Variants in ERICH3 observed in about 807,000 individuals in gnomAD.
ERICH3 encodes glutamate rich 3, also known as glutamate-rich protein 3.
A neutral mutation model predicts 131.1 loss-of-function variants in ERICH3; 126 were observed. The ratio of observed to expected loss-of-function variants is 0.96; its 90% CI spans 0.83 to 1.11. ERICH3 has a LOEUF of 1.11. Among genes scored for constraint, ERICH3 ranks in the 50% most tolerant of loss-of-function variants. The pLI is 0.00. For synonymous variants in ERICH3, 695 were observed against 644.6 expected, an observed-to-expected ratio of 1.08 and a Z score of -1.18; for missense variants, 2,050 against 1,810.7, an observed-to-expected ratio of 1.13 and a Z score of -2.40.
At chr1:74,619,037 C>T (rs1188651979) in intron 8 of ERICH3, among the ~76,000 whole-genome samples, 1 of 152,178 alleles carries the variant, frequency 6.6e-6, no homozygotes, top group East Asian at 1.9e-4. Context: ...TGAACAATTA[C>T]TTTCCTGGCA....
intron 1 of ERICH3, among the ~76,000 whole-genome samples, chr1:74,672,096 T>A (rs2100664684): frequency 6.6e-6 from 1 of 152,314 alleles, no homozygotes; most frequent in Non-Finnish European, 1.5e-5. Context: ...ATAGCTACAT[T>A]TTTCTCACAT....
chr1:74,617,985 AG>A (rs1649052518), intron 8 of ERICH3, among the ~76,000 whole-genome samples: 1 of 152,126 alleles, frequency 6.6e-6, no homozygotes, highest in Non-Finnish European at 1.5e-5. Flanking sequence ...GCTGGAGTCC[AG>A]GAGTTTGAGA....
At chr1:74,648,047 G>A (rs1646500512) in intron 2 of ERICH3, among the ~76,000 whole-genome samples, 1 of 152,092 alleles carries the variant, frequency 6.6e-6, no homozygotes, top group Admixed American at 6.6e-5. Flanking sequence ...CAGAGCTTCT[G>A]ATTCAGTTAG....
chr1:74,598,715 AT>A (rs1040576907), intron 11 of ERICH3, among the ~76,000 whole-genome samples: 2 of 151,816 alleles, frequency 1.3e-5, no homozygotes, highest in East Asian at 1.9e-4. Flanking sequence ...AGAAGCTAGT[AT>A]TTTTTTGTCC....
intron 1 of ERICH3, among the ~76,000 whole-genome samples, chr1:74,652,547 T>TTTTC (rs1491213147): frequency 2.0e-5 from 2 of 98,178 alleles, no homozygotes; most frequent in Non-Finnish European, 4.1e-5. Context: ...TTTTCTTTTC[T>TTTTC]TTTTTTTTTT....
At chr1:74,603,287 T>C (rs765308418) in intron 10 of ERICH3, among the ~76,000 whole-genome samples, 3 of 151,860 alleles carry the variant, frequency 2.0e-5, no homozygotes, top group Non-Finnish European at 4.4e-5. Flanking sequence ...TTGTATAGTG[T>C]TTGAAAGATT....
rs1233605814 is a variant in ERICH3 at position 74,568,647 on chromosome 1, T to G, written c.*1811A>C. ...TGTATCAATACAATCATAATAAAAA[T>G]AAGTTTAAGATTGACTCCACCACTT... On this transcript the variant is annotated 3_prime_UTR_variant, in exon 15 of 15. Coordinates refer to ENST00000326665, the MANE Select transcript of ERICH3 (RefSeq NM_001002912.5). 6.6e-6 allele frequency: 1 copy of G among 152,102 alleles called. No individual in the cohort carries two copies. Among genetic ancestry groups the G allele is most frequent in the Non-Finnish European group, 1.5e-5 (1 of 67,996 alleles). The allele number at this position is 152,102 out of a possible 1,614,324, so 9.4% of individuals were successfully genotyped here.
At chr1:74,597,373 C>A (rs183635245) in intron 11 of ERICH3, among the ~76,000 whole-genome samples, 1 of 151,904 alleles carries the variant, frequency 6.6e-6, no homozygotes, top group Non-Finnish European at 1.5e-5. Flanking sequence ...TTTCAAAACA[C>A]CAAGCATGCA....
At chr1:74,598,950 T>C (rs1425136182) in intron 11 of ERICH3, among the ~76,000 whole-genome samples, 1 of 151,952 alleles carries the variant, frequency 6.6e-6, no homozygotes, top group African/African-American at 2.4e-5. Context: ...CCATAAACTT[T>C]CATATTGCTA....
intron 10 of ERICH3, 151 bp downstream of exon 10, chr1:74,606,450 C>A: frequency 3.9e-6 from 3 of 766,152 alleles, no homozygotes; most frequent in South Asian, 1.9e-5. Flanking sequence ...GGACTCCATA[C>A]AAAACAGCAA....
chr1:74,652,502 T>C (rs1326686414), intron 1 of ERICH3, among the ~76,000 whole-genome samples: 1 of 152,112 alleles, frequency 6.6e-6, no homozygotes. Flanking sequence ...ATTCCACCCT[T>C]TTCCTCTGCG....
intron 8 of ERICH3, among the ~76,000 whole-genome samples, chr1:74,619,075 T>G (rs1163516136): frequency 6.6e-6 from 1 of 152,196 alleles, no homozygotes; most frequent in East Asian, 1.9e-4. Flanking sequence ...ACAAAATTAT[T>G]GCATCGACAG....
At chr1:74,646,034 G>T (rs1646479623) in intron 3 of ERICH3, among the ~76,000 whole-genome samples, 1 of 151,980 alleles carries the variant, frequency 6.6e-6, no homozygotes, top group African/African-American at 2.4e-5. Context: ...ATGGAGCAAG[G>T]CTGAAATAAT....
At position 74,606,693 on chromosome 1, in the gene ERICH3, T is replaced by C; in HGVS notation, c.1397A>G (p.Lys466Arg). 1.2e-6 allele frequency: 2 copies of C among 1,612,850 alleles called. No homozygotes were observed. The highest frequency in any genetic ancestry group is 1.1e-5 in the South Asian group (1 of 91,056). Residue 466 changes from lysine to arginine, a missense_variant, in exon 10 of 15, where the codon AAA becomes AGA. Physicochemically the swap from Lys to Arg is conservative, Grantham distance 26. Transcript: ENST00000326665. ...TTCCTCCACAGCAGTTACCACTTCTTTGAGCCCTGTTTTTATTTCTTGAGC... is the reference window on the plus strand; with the variant it reads ...TTCCTCCACAGCAGTTACCACTTCTCTGAGCCCTGTTTTTATTTCTTGAGC... ...FSAQEIKTGL[K>R]EVVTAVEEMT...
At chr1:74,609,577 A>G (rs920020391) in intron 9 of ERICH3, among the ~76,000 whole-genome samples, 5 of 151,960 alleles carry the variant, frequency 3.3e-5, no homozygotes, top group Admixed American at 3.3e-4. Context: ...GGAAGAGGAC[A>G]AACAAACAAG....
intron 10 of ERICH3, among the ~76,000 whole-genome samples, chr1:74,605,437 G>T (rs1353426710): frequency 6.6e-6 from 1 of 151,692 alleles, no homozygotes; most frequent in Non-Finnish European, 1.5e-5. Flanking sequence ...TAACTGCTTG[G>T]CACAAGTGGC....
rs1200672582 is a variant in ERICH3, at chr1:74,649,274, G to A, written c.65C>T (p.Ala22Val). ...AYNSLMDKHL[A>V]GYFNNTRIRR... Reference sequence around the variant, plus strand: ...TATCCTTGTATTGTTAAAATACCCAGCCAGGTGTTTATCCATAAGGCTATT... The same window carrying A: ...TATCCTTGTATTGTTAAAATACCCAACCAGGTGTTTATCCATAAGGCTATT... Residue 22 changes from alanine (A) to valine (V), a missense_variant, in exon 2 of 15, where the codon GCT (alanine) becomes GTT (valine). Ala to Val is a moderately conservative substitution (Grantham distance 64, BLOSUM62 0). Coordinates refer to ENST00000326665, the MANE Select transcript of ERICH3 (RefSeq NM_001002912.5). 2 of 1,612,526 alleles carry A rather than the reference G, an allele frequency of 1.2e-6. No homozygotes were observed. Among genetic ancestry groups the A allele is most frequent in the Non-Finnish European group, 1.7e-6 (2 of 1,179,190 alleles).
At chr1:74,632,538 G>T (rs1033080538) in intron 6 of ERICH3, among the ~76,000 whole-genome samples, 7 of 151,630 alleles carry the variant, frequency 4.6e-5, no homozygotes, top group Non-Finnish European at 1.0e-4. Flanking sequence ...TAATATAAAT[G>T]TGTATAAGGA....
chr1:74,638,302 C>A (rs1043628498), intron 5 of ERICH3, among the ~76,000 whole-genome samples: 2 of 152,132 alleles, frequency 1.3e-5, no homozygotes, highest in Non-Finnish European at 2.9e-5. Flanking sequence ...TAATTTTTAA[C>A]ATCTAATGGC....
Sources: allele counts gnomAD v4.1 joint callset (sites outside exome capture counted in the v4.1 genomes callset), GRCh38; gene constraint gnomAD v4.1.1; transcripts MANE v1.5; gene names NCBI Gene and HGNC (gene_info 2026-07-23, HGNC 2026-07-21).